The following GRIN2A variants were observed in gnomAD, a reference collection of about 807,000 sequenced individuals.
The protein encoded by GRIN2A is glutamate ionotropic receptor NMDA type subunit 2A, also known as glutamate receptor ionotropic, NMDA 2A.
Under a neutral mutation model 113.4 loss-of-function variants are expected in GRIN2A, and 22 were observed. That is an observed-to-expected ratio of 0.19 (90% CI 0.14 to 0.28). The LOEUF is 0.28. Ranked by LOEUF, GRIN2A falls within the 10% of genes least tolerant of loss-of-function variation. The pLI, the probability that GRIN2A is intolerant of heterozygous loss-of-function variation, is 1.00. For synonymous variants in GRIN2A, 827 were observed against 738.4 expected (o/e 1.12, Z -1.94); for missense variants, 1,502 against 1,887.0 (o/e 0.80, Z 3.78).
chr16:10,130,810 C>T (rs1567321182), intron 2 of GRIN2A, among the ~76,000 whole-genome samples: 1 of 152,172 alleles, frequency 6.6e-6, no homozygotes, highest in Non-Finnish European at 1.5e-5. Context: ...TCAAGCAGGT[C>T]CCCAGGAAAG....
Position 9,995,624 on chromosome 16 carries a change from T to A in GRIN2A, c.415-57073A>T, listed in dbSNP as rs1277574243. On this transcript the variant is annotated intron_variant, in intron 2 of 12. Transcript: ENST00000330684. The stretch of plus-strand genomic sequence containing the variant: ...TCATAATGAAACTTCCCCAAACACA[T>A]AAATCACCCAAGGTCCCAGTCATCT... Among the ~76,000 whole-genome samples, 4 of 152,174 alleles carry A rather than the reference T, an allele frequency of 2.6e-5. No homozygotes were observed. The East Asian group carries it at 7.8e-4, about 30-fold the overall frequency.
chr16:9,946,226 A>C (rs73504638), intron 2 of GRIN2A, among the ~76,000 whole-genome samples: 6,629 of 152,228 alleles, frequency 0.044, 239 homozygotes, highest in African/African-American at 0.1. Context: ...CTCTGTCAAC[A>C]TGCAGGTGAG....
intron 2 of GRIN2A, among the ~76,000 whole-genome samples, chr16:10,082,186 G>A (rs1053690690): frequency 2.0e-5 from 3 of 152,198 alleles, no homozygotes; most frequent in East Asian, 1.9e-4. Context: ...CTCTGCCTAC[G>A]ATGGAATTAT....
chr16:10,029,483 G>A (rs191339549), intron 2 of GRIN2A, among the ~76,000 whole-genome samples: 1 of 152,120 alleles, frequency 6.6e-6, no homozygotes, highest in African/African-American at 2.4e-5. Context: ...CGTAAAGGCT[G>A]CAGTCACGTA....
At chr16:9,792,885 T>C (rs1287486628) in intron 11 of GRIN2A, among the ~76,000 whole-genome samples, 1 of 152,252 alleles carries the variant, frequency 6.6e-6, no homozygotes, top group African/African-American at 2.4e-5. Flanking sequence ...TGATCAGAAT[T>C]GGACTCAGAT....
chr16:10,055,322 A>G (rs12102500), intron 2 of GRIN2A, among the ~76,000 whole-genome samples: 21,248 of 152,022 alleles, frequency 0.14, 2,081 homozygotes, highest in African/African-American at 0.27. Context: ...TCTGAAATAA[A>G]TGTGACAAAA....
Position 9,938,257 on chromosome 16 carries a change from C to T in GRIN2A, c.709G>A (p.Val237Ile), listed in dbSNP as rs2141631268. ...ILLYCSKDEA[V>I]LILSEARSLG... ...GAGCGGGCCTCACTCAGAATGAGAA[C>T]AGCCTCGTCTTTGGAACAGTAGAGC... The change falls in exon 3 of 13, where the codon GTT becomes ATT. Residue 237 changes from valine to isoleucine, a missense_variant. Coordinates refer to ENST00000330684, the MANE Select transcript of GRIN2A (RefSeq NM_001134407.3). The T allele has an allele frequency of 6.2e-7, 1 of 1,614,136 alleles. No individual in the cohort carries two copies. Among genetic ancestry groups the T allele is most frequent in the South Asian group, 1.1e-5 (1 of 91,082 alleles).
intron 2 of GRIN2A, among the ~76,000 whole-genome samples, chr16:10,082,749 G>GC (rs1323531388): frequency 6.6e-6 from 1 of 152,194 alleles, no homozygotes; most frequent in African/African-American, 2.4e-5. Flanking sequence ...TAAGTTGGTG[G>GC]TCGGTTGTTA....
chr16:9,974,414 T>C (rs2045735548), intron 2 of GRIN2A, among the ~76,000 whole-genome samples: 1 of 152,180 alleles, frequency 6.6e-6, no homozygotes, highest in African/African-American at 2.4e-5. Flanking sequence ...CCTGTTCTGT[T>C]TCGTTCTGAT....
chr16:10,018,706 CT>C (rs1253236905), intron 2 of GRIN2A, among the ~76,000 whole-genome samples: 1 of 152,136 alleles, frequency 6.6e-6, no homozygotes, highest in African/African-American at 2.4e-5. Flanking sequence ...CTGCCAGTCA[CT>C]CCCCACACAC....
chr16:9,937,529 T>G (rs922105298), intron 3 of GRIN2A, among the ~76,000 whole-genome samples: 2 of 152,130 alleles, frequency 1.3e-5, no homozygotes, highest in African/African-American at 4.8e-5. Context: ...GAAAATTAAC[T>G]CGTAAATTCC....
In GRIN2A at chr16:10,035,889, A is replaced by G. The variant is rs2047016191; in HGVS notation, c.415-97338T>C. On this transcript the variant is annotated intron_variant, in intron 2 of 12. Transcript: ENST00000330684. Reference sequence around the variant, plus strand: ...CAGGTGCTTGCCACCATGCCTGGCTAATTTTTGTATTTTTAGCAGAGACGG... The same window carrying G: ...CAGGTGCTTGCCACCATGCCTGGCTGATTTTTGTATTTTTAGCAGAGACGG... Among the ~76,000 whole-genome samples the G allele has an allele frequency of 2.0e-5, 3 of 151,912 alleles. No homozygotes were observed. In the South Asian group the frequency reaches 6.2e-4, roughly 32 times the overall value.
At chr16:9,956,499 T>G (rs1379084362) in intron 2 of GRIN2A, among the ~76,000 whole-genome samples, 1 of 152,200 alleles carries the variant, frequency 6.6e-6, no homozygotes, top group Non-Finnish European at 1.5e-5. Flanking sequence ...AGATGTCAAT[T>G]ATCACTTAAC....
intron 2 of GRIN2A, among the ~76,000 whole-genome samples, chr16:10,028,158 A>C (rs996052671): frequency 6.6e-6 from 1 of 152,220 alleles, no homozygotes; most frequent in African/African-American, 2.4e-5. Flanking sequence ...TATGTCACTT[A>C]CTGCTTGCAG....
intron 2 of GRIN2A, among the ~76,000 whole-genome samples, chr16:9,974,333 CCCTGACCTAACCG>C (rs1335656328): frequency 3.3e-5 from 5 of 152,166 alleles, no homozygotes; most frequent in Admixed American, 2.6e-4. Context: ...AAAGATCGAC[CCCTGACCTAACCG>C]GTTATGTTAT....
chr16:10,063,034 T>C (rs1267316611), intron 2 of GRIN2A, among the ~76,000 whole-genome samples: 2 of 152,086 alleles, frequency 1.3e-5, no homozygotes, highest in East Asian at 1.9e-4. Flanking sequence ...CCATGGAATA[T>C]ACACAGCCAT....
At chr16:9,788,034 G>C (rs1320379891) in intron 11 of GRIN2A, among the ~76,000 whole-genome samples, 1 of 152,134 alleles carries the variant, frequency 6.6e-6, no homozygotes, top group Non-Finnish European at 1.5e-5. Flanking sequence ...GGAGAAGCAC[G>C]GATGGCTCTG....
At chr16:9,924,838 A>G (rs1373193530) in intron 3 of GRIN2A, among the ~76,000 whole-genome samples, 1 of 152,138 alleles carries the variant, frequency 6.6e-6, no homozygotes, top group Admixed American at 6.5e-5. Flanking sequence ...CATGCATTGT[A>G]GATTTTATAT....
At chr16:10,102,511 G>A (rs80296116) in intron 2 of GRIN2A, among the ~76,000 whole-genome samples, 50 of 151,918 alleles carry the variant, frequency 3.3e-4, no homozygotes, top group African/African-American at 9.7e-4. Context: ...ATTACCTAAT[G>A]TTGGGTATTT....
Sources: allele counts gnomAD v4.1 joint callset (sites outside exome capture counted in the v4.1 genomes callset), GRCh38; gene constraint gnomAD v4.1.1; transcripts MANE v1.5; gene names NCBI Gene and HGNC (gene_info 2026-07-23, HGNC 2026-07-21).